The following CASS4 variants were observed in gnomAD, a reference collection of about 807,000 sequenced individuals.
CASS4 encodes cas scaffolding protein family member 4.
CASS4 carries 22 observed loss-of-function variants against 54.2 expected under a neutral mutation model. The observed-to-expected ratio is 0.41, with a 90% CI of 0.29 to 0.58. The LOEUF is 0.58. CASS4 is among the 20% of genes least tolerant of loss of function. CASS4 has a pLI of 0.36. For synonymous variants in CASS4, 409 were observed against 391.5 expected, an observed-to-expected ratio of 1.04 and a Z score of -0.53; for missense variants, 854 against 986.7, an observed-to-expected ratio of 0.87 and a Z score of 1.80.
Position 56,419,306 on chromosome 20 carries a change from A to G in CASS4, c.36+6812A>G, listed in dbSNP as rs367757855. Reference sequence around the variant, plus strand: ...GGAACCATTTCCAAACATAACGCCTATGAAGTGTTTGTTCAGGGGAAGAGC... The same window carrying G: ...GGAACCATTTCCAAACATAACGCCTGTGAAGTGTTTGTTCAGGGGAAGAGC... On this transcript the variant is annotated intron_variant, in intron 1 of 5. Transcript: ENST00000679887. Among the ~76,000 whole-genome samples the G allele has an allele frequency of 3.3e-5, 5 of 152,364 alleles. No individual in the cohort carries two copies. In the East Asian group the frequency reaches 7.7e-4, roughly 23 times the overall value.
At chr20:56,417,702 G>A (rs1979209988) in intron 1 of CASS4, among the ~76,000 whole-genome samples, 1 of 152,166 alleles carries the variant, frequency 6.6e-6, no homozygotes, top group Admixed American at 6.5e-5. Flanking sequence ...GTGGAGCCCT[G>A]GCTGCAGCCC....
chr20:56,453,314 G>T, intron 5 of CASS4, 185 bp downstream of exon 5: 1 of 573,222 alleles, frequency 1.7e-6, no homozygotes, highest in South Asian at 2.3e-5. Context: ...GTCAGATAAA[G>T]ATAGGTCAGC....
intron 2 of CASS4, among the ~76,000 whole-genome samples, chr20:56,438,150 A>G (rs1323510660): frequency 6.6e-6 from 1 of 152,038 alleles, no homozygotes; most frequent in African/African-American, 2.4e-5. Flanking sequence ...TAGCCAGCAT[A>G]GTAGCACACA....
chr20:56,439,640 C>T (rs955569769), intron 2 of CASS4, among the ~76,000 whole-genome samples: 1 of 152,008 alleles, frequency 6.6e-6, no homozygotes, highest in Non-Finnish European at 1.5e-5. Context: ...TACTACGGCG[C>T]CCCTGCACTC....
rs557015028 is a variant in CASS4 at position 56,452,924 on chromosome 20, A to G, written c.1748A>G (p.Asn583Ser). ...AGGTTTGCCTCCATTGTCATTGCCA[A>G]TGGAAGGCTCCTTTTTAAGCGGAAC... ...IKRFASIVIA[N>S]GRLLFKRNCE... The change falls in exon 5 of 6, where the codon AAT becomes AGT. Residue 583 changes from asparagine to serine, a missense_variant. Transcript: ENST00000679887. The G allele has an allele frequency of 6.2e-7, 1 of 1,614,110 alleles. No individual in the cohort carries two copies. The highest frequency in any genetic ancestry group is 2.2e-5 in the East Asian group (1 of 44,874).
chr20:56,452,067 T>C lies in CASS4; in HGVS notation c.891T>C (p.Asn297=). 3.1e-6 allele frequency: 5 copies of C among 1,614,166 alleles called. No homozygotes were observed. Among genetic ancestry groups the C allele is most frequent in the Non-Finnish European group, 4.2e-6 (5 of 1,180,038 alleles). Residue 297 remains asparagine, a synonymous_variant, in exon 5 of 6, where the codon AAT becomes AAC. Transcript: ENST00000679887. The part of the protein sequence containing the change: ...SRSLTPQLNN[N]VPMQKKLSLP... Reference sequence around the variant, plus strand: ...CCCTCACTCCACAACTGAATAACAATGTGCCCATGCAGAAAAAACTCAGCC... The same window carrying C: ...CCCTCACTCCACAACTGAATAACAACGTGCCCATGCAGAAAAAACTCAGCC...
intron 1 of CASS4, among the ~76,000 whole-genome samples, chr20:56,415,570 C>T (rs1979091306): frequency 6.6e-6 from 1 of 152,218 alleles, no homozygotes; most frequent in Admixed American, 6.5e-5. Flanking sequence ...GTTGATCCAT[C>T]TCATTAATCT....
chr20:56,426,334 GCTGA>G (rs1283436124), intron 1 of CASS4, among the ~76,000 whole-genome samples: 8 of 152,280 alleles, frequency 5.3e-5, no homozygotes, highest in African/African-American at 1.9e-4. Flanking sequence ...GGTCATCAGT[GCTGA>G]CTGCTTATCC....
At chr20:56,417,409 C>T (rs1425324080) in intron 1 of CASS4, among the ~76,000 whole-genome samples, 1 of 152,252 alleles carries the variant, frequency 6.6e-6, no homozygotes, top group Admixed American at 6.5e-5. Context: ...TCGCCTCACC[C>T]AGAGGCCTCT....
rs758070857 is a variant in CASS4, at chr20:56,450,595, C to G, written c.562-4C>G. On this transcript the variant is annotated splice_polypyrimidine_tract_variant and splice_region_variant and intron_variant, in intron 3 of 5. Coordinates refer to ENST00000679887, the MANE Select transcript of CASS4 (RefSeq NM_020356.4). ...AGTTGTCTGCCTTTGTGGTCTTTCC[C>G]CAGGAGCCAGAGAAGCAGCAGTTAT... The G allele has an allele frequency of 3.1e-6, 5 of 1,613,838 alleles. No homozygotes were observed. The East Asian group carries it at 6.7e-5, about 22-fold the overall frequency.
chr20:56,433,453 T>G (rs116295761), intron 1 of CASS4, among the ~76,000 whole-genome samples: 3,489 of 152,176 alleles, frequency 0.023, 142 homozygotes, highest in African/African-American at 0.081. Flanking sequence ...AGGGCCTTGA[T>G]GGTTTGGGCA....
intron 2 of CASS4, among the ~76,000 whole-genome samples, chr20:56,443,254 G>A (rs559781553): frequency 1.3e-5 from 2 of 151,546 alleles, no homozygotes; most frequent in African/African-American, 4.9e-5. Context: ...GGCTGAGGCA[G>A]GTGGATCACT....
chr20:56,422,125 T>C lies in CASS4; in HGVS notation c.36+9631T>C, dbSNP rs537487242. Among the ~76,000 whole-genome samples, 12 of 152,318 alleles carry C rather than the reference T, an allele frequency of 7.9e-5. 1 individual carries two copies. The South Asian group carries it at 2.1e-3, about 26-fold the overall frequency. ...TGAAATTGTCAGCCCCTTGACTTGATCCAACAGTTCCCCAAACCAAATATC... is the reference window on the plus strand; with the variant it reads ...TGAAATTGTCAGCCCCTTGACTTGACCCAACAGTTCCCCAAACCAAATATC... On this transcript the variant is annotated intron_variant, in intron 1 of 5. Coordinates refer to ENST00000679887, the MANE Select transcript of CASS4 (RefSeq NM_020356.4).
At chr20:56,450,909 C>T (rs1980964678) in intron 4 of CASS4, among the ~76,000 whole-genome samples, 1 of 151,876 alleles carries the variant, frequency 6.6e-6, no homozygotes, top group Admixed American at 6.6e-5. Context: ...TAGTGGGCGC[C>T]TGTAATCCCA....
chr20:56,446,963 T>C (rs1270758400), intron 3 of CASS4, among the ~76,000 whole-genome samples: 1 of 152,080 alleles, frequency 6.6e-6, no homozygotes, highest in Non-Finnish European at 1.5e-5. Flanking sequence ...ATCCCAGCAT[T>C]TTGGGAGGCC....
chr20:56,424,740 CAAAAAAAA>C (rs759106984), intron 1 of CASS4, among the ~76,000 whole-genome samples: 2 of 72,078 alleles, frequency 2.8e-5, no homozygotes, highest in African/African-American at 4.8e-5. Flanking sequence ...GACTCTGTCT[CAAAAAAAA>C]AAAAAAAAAA....
chr20:56,439,100 C>A (rs938890711), intron 2 of CASS4, among the ~76,000 whole-genome samples: 1 of 152,196 alleles, frequency 6.6e-6, no homozygotes, highest in Non-Finnish European at 1.5e-5. Context: ...ATCTGACAAA[C>A]AAACAAATTA....
intron 2 of CASS4, among the ~76,000 whole-genome samples, chr20:56,443,973 T>C (rs530275070): frequency 1.4e-4 from 22 of 152,116 alleles, no homozygotes; most frequent in Admixed American, 1.4e-3. Context: ...TCTCAGGGAG[T>C]AAGAAAGCAG....
chr20:56,413,710 G>A (rs1979000468), intron 1 of CASS4, among the ~76,000 whole-genome samples: 2 of 148,016 alleles, frequency 1.4e-5, no homozygotes, highest in Admixed American at 6.7e-5. Context: ...GTCACTAGTG[G>A]AATTTGTGAC....
Sources: allele counts gnomAD v4.1 joint callset (sites outside exome capture counted in the v4.1 genomes callset), GRCh38; gene constraint gnomAD v4.1.1; transcripts MANE v1.5; gene names NCBI Gene and HGNC (gene_info 2026-07-23, HGNC 2026-07-21).